The following ANKRD30B variants were observed in gnomAD, a reference collection of about 807,000 sequenced individuals.
ANKRD30B encodes ankyrin repeat domain-containing protein 30B.
A neutral mutation model predicts 202.2 loss-of-function variants in ANKRD30B; 144 were observed. That is an observed-to-expected ratio of 0.71 (90% CI 0.62 to 0.82). The LOEUF (loss-of-function observed/expected upper bound fraction) is 0.82. Ranked by LOEUF, ANKRD30B falls within the 40% of genes least tolerant of loss-of-function variation. The pLI is 0.00. For missense variants in ANKRD30B, 1,487 were observed against 1,669.1 expected, an observed-to-expected ratio of 0.89 and a Z score of 1.90; for synonymous variants, 508 against 561.3, an observed-to-expected ratio of 0.91 and a Z score of 1.34.
the ANKRD30B span, among the ~76,000 whole-genome samples, chr18:14,874,795 G>C: frequency 6.6e-6 from 1 of 152,210 alleles, no homozygotes; most frequent in Non-Finnish European, 1.5e-5. Context: ...AAGGAGGGGA[G>C]TGACTTGCCC....
the ANKRD30B span, among the ~76,000 whole-genome samples, chr18:14,914,554 T>C: frequency 6.6e-6 from 1 of 152,186 alleles, no homozygotes; most frequent in Non-Finnish European, 1.5e-5. Context: ...AAGGGTATGA[T>C]GGCTGTTTGG....
rs751809130 is a variant in ANKRD30B at position 14,797,772 on chromosome 18, A to G, written c.1957-10A>G. ...TATATATTAATTTTTGTGTTTCCGA[A>G]CCCATTTAGCCTACCTGTGGAAGGA... is the stretch of plus-strand genomic sequence containing the variant. On this transcript the variant is annotated splice_polypyrimidine_tract_variant and intron_variant, in intron 19 of 43. Coordinates refer to ENST00000690538, the MANE Select transcript of ANKRD30B (RefSeq NM_001367607.2). The G allele has an allele frequency of 1.4e-5, 22 of 1,572,748 alleles. 1 individual carries two copies. In the Admixed American group the frequency reaches 3.9e-4, roughly 28 times the overall value.
intron 15 of ANKRD30B, among the ~76,000 whole-genome samples, chr18:14,788,453 T>C (rs1474956087): frequency 6.6e-6 from 1 of 152,146 alleles, no homozygotes; most frequent in Non-Finnish European, 1.5e-5. Flanking sequence ...TGCAGTTTAG[T>C]TACATATGTA....
chr18:14,933,476 G>A, the ANKRD30B span, among the ~76,000 whole-genome samples: 3 of 152,144 alleles, frequency 2.0e-5, no homozygotes, highest in Non-Finnish European at 2.9e-5. Flanking sequence ...GGGGCCAGGT[G>A]GGAGCTGGGA....
rs1271656990 is a variant in ANKRD30B, at chr18:14,793,723, T to A, written c.1825+2232T>A. Among the ~76,000 whole-genome samples the A allele has an allele frequency of 2.0e-5, 3 of 151,902 alleles. No homozygotes were observed. In the East Asian group the frequency reaches 5.9e-4, roughly 30 times the overall value. On this transcript the variant is annotated intron_variant, in intron 16 of 43. Coordinates refer to ENST00000690538, the MANE Select transcript of ANKRD30B (RefSeq NM_001367607.2). ...TCCTGGCTAACACGGTGAAACCCCA[T>A]CTCTAATAAAAATACAAAAAATTAG...
intron 34 of ANKRD30B, among the ~76,000 whole-genome samples, chr18:14,831,740 G>A (rs71364895): frequency 6.6e-6 from 1 of 152,016 alleles, no homozygotes; most frequent in East Asian, 1.9e-4. Flanking sequence ...ATAGTGACAG[G>A]AACATTATAT....
At chr18:14,836,637 A>T (rs2143138300) in intron 34 of ANKRD30B, among the ~76,000 whole-genome samples, 1 of 152,314 alleles carries the variant, frequency 6.6e-6, no homozygotes, top group African/African-American at 2.4e-5. Context: ...GTGGATACCC[A>T]TTACATGAAG....
Position 14,765,115 on chromosome 18 carries a change from C to A in ANKRD30B, c.1225+1025C>A, listed in dbSNP as rs149579793. On this transcript the variant is annotated intron_variant, in intron 7 of 43. Transcript: ENST00000690538. ...GATCTGAGCATCAGGGCATTCTGGT[C>A]GTGGTATAAGGCAGAGATTGGCAAA... Among the ~76,000 whole-genome samples the A allele has an allele frequency of 1.1e-3, 164 of 152,184 alleles. No homozygotes were observed. The East Asian group carries it at 0.021, about 19-fold the overall frequency.
chr18:14,866,919 A>G, the ANKRD30B span, among the ~76,000 whole-genome samples: 210 of 150,318 alleles, frequency 1.4e-3, 2 homozygotes, highest in African/African-American at 5.0e-3. Context: ...TGCAGGGGGC[A>G]GGTTGGGTTA....
At chr18:14,842,132 A>G (rs1971443790) in intron 37 of ANKRD30B, among the ~76,000 whole-genome samples, 1 of 152,154 alleles carries the variant, frequency 6.6e-6, no homozygotes, top group Non-Finnish European at 1.5e-5. Context: ...ATTTAAAAAT[A>G]TAAAATGTTA....
At chr18:14,866,824 G>A in the ANKRD30B span, among the ~76,000 whole-genome samples, 6 of 152,096 alleles carry the variant, frequency 3.9e-5, no homozygotes, top group East Asian at 3.9e-4. Flanking sequence ...GGTGGCAGGC[G>A]GTTGGAGGCA....
chr18:14,848,980 A>G (rs1255677318), intron 40 of ANKRD30B, 51 bp downstream of exon 40: 21 of 1,401,050 alleles, frequency 1.5e-5, no homozygotes, highest in Admixed American at 3.1e-5. Context: ...TACTAAAAGT[A>G]TGTAGGATAC....
In ANKRD30B at chr18:14,757,902, C is replaced by T. The variant is rs775391048; in HGVS notation, c.705C>T (p.Asp235=). The T allele has an allele frequency of 1.9e-6, 3 of 1,611,436 alleles. No homozygotes were observed. In the African/African-American group the frequency reaches 4.0e-5, roughly 22 times the overall value. ...AAAATGTTGACGTCTTTGCTGAAGA[C>T]ATACATGGAATAACTGCAGAACGTT... ...LQQNVDVFAE[D]IHGITAERYA... is the part of the protein sequence containing the mutation. The change falls in exon 5 of 44, where the codon GAC becomes GAT. Residue 235 remains aspartate (D), a synonymous_variant. Transcript: ENST00000690538.
At chr18:14,939,294 C>G in the ANKRD30B span, among the ~76,000 whole-genome samples, 1 of 152,202 alleles carries the variant, frequency 6.6e-6, no homozygotes, top group Admixed American at 6.5e-5. Context: ...CCCAGAGGGA[C>G]AGGAGCTCAT....
Position 14,850,251 on chromosome 18 carries a change from G to A in ANKRD30B, c.3433G>A (p.Val1145Ile). ...LNQEEEKRRN[V>I]DILKEKIRPE... ...TCAAGAAGAAGAGAAGAGAAGAAAT[G>A]TCGATATATTAAAAGAAAAAATTAG... The change falls in exon 41 of 44, where the codon GTC becomes ATC. Residue 1145 changes from valine to isoleucine, a missense_variant. By Grantham distance (29) the Val-to-Ile change is conservative. Transcript: ENST00000690538. 1 of 1,584,420 alleles carries A rather than the reference G, an allele frequency of 6.3e-7. No individual in the cohort carries two copies. Among genetic ancestry groups the A allele is most frequent in the South Asian group, 1.2e-5 (1 of 85,552 alleles).
chr18:14,898,223 A>G, the ANKRD30B span, among the ~76,000 whole-genome samples: 7 of 152,250 alleles, frequency 4.6e-5, no homozygotes, highest in East Asian at 9.7e-4. Flanking sequence ...AATTATCTTA[A>G]ATTCATCTGG....
At chr18:14,928,250 G>C in the ANKRD30B span, among the ~76,000 whole-genome samples, 1 of 152,228 alleles carries the variant, frequency 6.6e-6, no homozygotes, top group Non-Finnish European at 1.5e-5. Context: ...TTACAGGCGC[G>C]AGTCACCACG....
intron 42 of ANKRD30B, among the ~76,000 whole-genome samples, chr18:14,853,091 G>C (rs926071547): frequency 6.6e-6 from 1 of 151,804 alleles, no homozygotes; most frequent in African/African-American, 2.4e-5. Flanking sequence ...TATCAAATTT[G>C]ATTTAATCAC....
chr18:14,820,470 G>T (rs1293447310), intron 30 of ANKRD30B, among the ~76,000 whole-genome samples: 1 of 152,096 alleles, frequency 6.6e-6, no homozygotes, highest in Non-Finnish European at 1.5e-5. Context: ...TCCAGTTTTT[G>T]CCCATTCAGT....
Sources: allele counts gnomAD v4.1 joint callset (sites outside exome capture counted in the v4.1 genomes callset), GRCh38; gene constraint gnomAD v4.1.1; transcripts MANE v1.5; gene names NCBI Gene and HGNC (gene_info 2026-07-23, HGNC 2026-07-21).